The following DCAF8L2 variants were observed in gnomAD, a reference collection of about 807,000 sequenced individuals.
DCAF8L2 encodes the protein DDB1 and CUL4 associated factor 8 like 2.
For missense variants in DCAF8L2, 430 were observed against 490.7 expected (o/e 0.88, Z 1.17); for synonymous variants, 200 against 190.9 (o/e 1.05, Z -0.39).
At chrX:27,729,154 T>C (rs765258821) in intron 4 of DCAF8L2, among the ~76,000 whole-genome samples, 2 of 111,998 alleles carry the variant, frequency 1.8e-5, no homozygotes, top group Non-Finnish European at 3.8e-5. Context: ...GAGGGAGTAC[T>C]ATAAGACACT....
chrX:27,711,049 T>A (rs1370882300), intron 3 of DCAF8L2, among the ~76,000 whole-genome samples: 1 of 112,201 alleles, frequency 8.9e-6, no homozygotes, highest in South Asian at 3.7e-4. Context: ...ATATAAAAAT[T>A]GAAAATAATT....
chrX:27,476,552 A>G, the DCAF8L2 span, among the ~76,000 whole-genome samples: 1 of 110,966 alleles, frequency 9.0e-6, no homozygotes, highest in African/African-American at 3.3e-5. Flanking sequence ...ACATACACAG[A>G]ATATCATAAT....
chrX:27,557,059 T>C, the DCAF8L2 span, among the ~76,000 whole-genome samples: 1 of 112,517 alleles, frequency 8.9e-6, no homozygotes, highest in Non-Finnish European at 1.9e-5. Context: ...AAAAGTTGGT[T>C]CCACAAACTG....
rs149263656 is a variant in DCAF8L2 at position 27,644,370 on chromosome X, T to G, written c.-220+12370T>G. ...ACACAGGAAAGACACAGAGGAGATATTCAATTACTGTATGTCAAGTGAATG... is the reference window on the plus strand; with the variant it reads ...ACACAGGAAAGACACAGAGGAGATAGTCAATTACTGTATGTCAAGTGAATG... On this transcript the variant is annotated intron_variant, in intron 2 of 4. Transcript: ENST00000451261. Among the ~76,000 whole-genome samples, 99 of 111,840 alleles carry G rather than the reference T, an allele frequency of 8.9e-4. No homozygotes were observed. In the East Asian group the frequency reaches 0.028, roughly 31 times the overall value.
the DCAF8L2 span, among the ~76,000 whole-genome samples, chrX:27,568,771 T>C: frequency 4.6e-5 from 5 of 108,462 alleles, no homozygotes; most frequent in South Asian, 2.1e-3. Flanking sequence ...GCTGTACCCA[T>C]TAACTCATCA....
chrX:27,627,810 C>T (rs1007775982), intron 1 of DCAF8L2, among the ~76,000 whole-genome samples: 5 of 109,159 alleles, frequency 4.6e-5, no homozygotes, highest in African/African-American at 1.7e-4. Context: ...AGGAGAATCA[C>T]CTGAACCAGG....
intron 2 of DCAF8L2, among the ~76,000 whole-genome samples, chrX:27,637,658 A>G (rs1569167857): frequency 1.8e-5 from 2 of 112,342 alleles, no homozygotes; most frequent in South Asian, 3.6e-4. Context: ...AAATTATTTA[A>G]TGCAGCTTAC....
chrX:27,522,204 T>G, the DCAF8L2 span, among the ~76,000 whole-genome samples: 1 of 111,581 alleles, frequency 9.0e-6, no homozygotes, highest in Non-Finnish European at 1.9e-5. Context: ...ATTTTGTATT[T>G]TTAGTAGAGA....
the DCAF8L2 span, among the ~76,000 whole-genome samples, chrX:27,576,173 A>G: frequency 3.6e-5 from 4 of 112,510 alleles, no homozygotes; most frequent in African/African-American, 1.3e-4. Flanking sequence ...ATGCATTTGA[A>G]TTGTTCATCT....
At chrX:27,643,706 T>A (rs1011747175) in intron 2 of DCAF8L2, among the ~76,000 whole-genome samples, 1 of 111,942 alleles carries the variant, frequency 8.9e-6, no homozygotes, top group African/African-American at 3.2e-5. Context: ...ACGTTGTGAC[T>A]TTCCACACGG....
chrX:27,589,513 ATACCAT>A (rs2147104425), upstream of DCAF8L2, among the ~76,000 whole-genome samples: 1 of 105,133 alleles, frequency 9.5e-6, no homozygotes, highest in East Asian at 2.8e-4. Context: ...TCATAGCTTC[ATACCAT>A]CTTATATATT....
chrX:27,563,229 A>T, the DCAF8L2 span, among the ~76,000 whole-genome samples: 7 of 111,585 alleles, frequency 6.3e-5, no homozygotes, highest in Admixed American at 9.5e-5. Flanking sequence ...TAGAAAAAAA[A>T]ATATATTTAT....
At chrX:27,621,858 G>C (rs947190277) in intron 1 of DCAF8L2, among the ~76,000 whole-genome samples, 1 of 110,166 alleles carries the variant, frequency 9.1e-6, no homozygotes, top group Admixed American at 9.8e-5. Context: ...GCCAGATGCG[G>C]TGTCAGATGC....
intron 1 of DCAF8L2, chrX:27,627,356 A>C (rs929665825): frequency 9.0e-6 from 1 of 110,688 alleles, no homozygotes; most frequent in Admixed American, 9.7e-5. Flanking sequence ...AAACAGCTTT[A>C]CTGAAGTATA....
chrX:27,555,559 C>G, the DCAF8L2 span, among the ~76,000 whole-genome samples: 1 of 112,238 alleles, frequency 8.9e-6, no homozygotes, highest in Non-Finnish European at 1.9e-5. Flanking sequence ...CACTGAGCTC[C>G]TGATAGGTTT....
intron 3 of DCAF8L2, among the ~76,000 whole-genome samples, chrX:27,710,547 C>T (rs755806864): frequency 9.1e-4 from 102 of 111,503 alleles, no homozygotes; most frequent in Non-Finnish European, 1.4e-3. Flanking sequence ...ATTTGAGGTA[C>T]TATTGTAAAT....
chrX:27,540,700 A>G, the DCAF8L2 span, among the ~76,000 whole-genome samples: 1 of 111,647 alleles, frequency 9.0e-6, no homozygotes, highest in Non-Finnish European at 1.9e-5. Context: ...ATATTTTCAA[A>G]TTGCTGGAAG....
chrX:27,638,011 A>T (rs1305529199), intron 2 of DCAF8L2, among the ~76,000 whole-genome samples: 8 of 111,768 alleles, frequency 7.2e-5, no homozygotes, highest in Non-Finnish European at 1.3e-4. Flanking sequence ...GGAAAGGAGG[A>T]GGGAGCTATC....
chrX:27,705,995 A>C (rs769239666), intron 3 of DCAF8L2, among the ~76,000 whole-genome samples: 280 of 111,424 alleles, frequency 2.5e-3, no homozygotes, highest in Non-Finnish European at 4.4e-3. Context: ...GTTCAGATTC[A>C]GTCTTCTGTA....
Sources: allele counts gnomAD v4.1 joint callset (sites outside exome capture counted in the v4.1 genomes callset), GRCh38; gene constraint gnomAD v4.1.1; transcripts MANE v1.5; gene names NCBI Gene and HGNC (gene_info 2026-07-23, HGNC 2026-07-21).